The following GSE1 variants were observed in gnomAD, a reference collection of about 807,000 sequenced individuals.
GSE1 encodes genetic suppressor element 1.
A neutral mutation model predicts 112.6 loss-of-function variants in GSE1; 32 were observed. The observed-to-expected ratio is 0.28, with a 90% CI of 0.21 to 0.38. GSE1 has a LOEUF of 0.38. Among genes scored for constraint, GSE1 ranks in the 10% least tolerant of loss-of-function variants. The probability of loss-of-function intolerance (pLI) is 1.00; values close to 1 mark genes in which losing one functional copy is unlikely to be tolerated. For missense variants in GSE1, 2,348 were observed against 1,699.2 expected (o/e 1.38, Z -6.71); for synonymous variants, 1,115 against 735.6 (o/e 1.52, Z -8.35).
At chr16:85,259,313 C>T (rs1469205825) in intron 1 of GSE1, among the ~76,000 whole-genome samples, 5 of 151,974 alleles carry the variant, frequency 3.3e-5, no homozygotes, top group Non-Finnish European at 7.4e-5. Flanking sequence ...CTGGCCCACC[C>T]TGTGCTCCAC....
At chr16:85,615,711 G>A (rs1598393579) in intron 1 of GSE1, among the ~76,000 whole-genome samples, 1 of 152,240 alleles carries the variant, frequency 6.6e-6, no homozygotes, top group East Asian at 1.9e-4. Flanking sequence ...GTTTGGGACA[G>A]TTTTTAGGAT....
At chr16:85,388,260 A>G (rs1435031013) in intron 2 of GSE1, among the ~76,000 whole-genome samples, 2 of 130,978 alleles carry the variant, frequency 1.5e-5, no homozygotes, top group Non-Finnish European at 3.2e-5. Context: ...GAATGGATGT[A>G]TGGCTGGATG....
intron 2 of GSE1, among the ~76,000 whole-genome samples, chr16:85,381,114 C>T (rs1216645834): frequency 6.6e-6 from 1 of 152,328 alleles, no homozygotes; most frequent in South Asian, 2.1e-4. Flanking sequence ...CACTCCCCCA[C>T]CTTCCTTTCC....
chr16:85,462,012 C>T (rs1231930692), intron 2 of GSE1, among the ~76,000 whole-genome samples: 1 of 152,208 alleles, frequency 6.6e-6, no homozygotes, highest in African/African-American at 2.4e-5. Flanking sequence ...GCTCACAGCA[C>T]TTATCTGGAA....
chr16:85,239,298 AT>A (rs1197735530), intron 1 of GSE1, among the ~76,000 whole-genome samples: 3 of 152,196 alleles, frequency 2.0e-5, no homozygotes, highest in Non-Finnish European at 4.4e-5. Context: ...AGAGCTGGGC[AT>A]TTAAAGACCC....
chr16:85,597,063 C>T (rs2047259476), intron 1 of GSE1, among the ~76,000 whole-genome samples: 1 of 152,016 alleles, frequency 6.6e-6, no homozygotes, highest in South Asian at 2.1e-4. Context: ...CTGCAATCTC[C>T]ACCTCCTGGG....
At chr16:85,213,378 G>A (rs371332016) in intron 1 of GSE1, among the ~76,000 whole-genome samples, 53 of 152,214 alleles carry the variant, frequency 3.5e-4, no homozygotes, top group African/African-American at 7.7e-4. Flanking sequence ...GCTTGAGCTC[G>A]GGAGGTGGAG....
intron 1 of GSE1, among the ~76,000 whole-genome samples, chr16:85,248,599 C>T (rs924203159): frequency 3.9e-5 from 6 of 152,082 alleles, no homozygotes; most frequent in Non-Finnish European, 5.9e-5. Context: ...AGGCAGAGTC[C>T]TGGGGGAGCC....
At chr16:85,170,654 C>T (rs764772123) in exon 1 of GSE1, 2 of 985,534 alleles carry the variant, frequency 2.0e-6, no homozygotes, top group South Asian at 4.7e-5. Flanking sequence ...GCCCCGCTGT[C>T]CCCGGCCTCG....
intron 2 of GSE1, among the ~76,000 whole-genome samples, chr16:85,404,724 GC>G (rs1218452940): frequency 3.0e-5 from 1 of 32,858 alleles, no homozygotes; most frequent in Non-Finnish European, 5.2e-5. Flanking sequence ...TTACACTCAG[GC>G]CCCCCGGATA....
intron 1 of GSE1, among the ~76,000 whole-genome samples, chr16:85,204,356 C>T (rs1012125337): frequency 1.3e-5 from 2 of 152,226 alleles, no homozygotes; most frequent in African/African-American, 4.8e-5. Context: ...ATCATCAGCC[C>T]GTGGGCTTTT....
chr16:85,615,036 C>T (rs891184426), intron 1 of GSE1, among the ~76,000 whole-genome samples: 5 of 152,208 alleles, frequency 3.3e-5, no homozygotes, highest in South Asian at 2.1e-4. Context: ...TCCGTGCTCC[C>T]GCCTCCCGGC....
intron 1 of GSE1, among the ~76,000 whole-genome samples, chr16:85,206,634 C>T (rs1171466702): frequency 6.6e-6 from 1 of 152,150 alleles, no homozygotes; most frequent in Non-Finnish European, 1.5e-5. Flanking sequence ...GCATGGGCTT[C>T]AGCCCCTCCC....
intron 2 of GSE1, among the ~76,000 whole-genome samples, chr16:85,466,738 C>T (rs1156699574): frequency 6.7e-6 from 1 of 149,020 alleles, no homozygotes; most frequent in Non-Finnish European, 1.5e-5. Flanking sequence ...AGAGGGAGAG[C>T]GCACAAGAGA....
chr16:85,410,362 GC>G (rs1451602225), intron 2 of GSE1, among the ~76,000 whole-genome samples: 3 of 39,624 alleles, frequency 7.6e-5, no homozygotes, highest in Non-Finnish European at 1.3e-4. Flanking sequence ...TACACTCAGG[GC>G]CCCCCGGATA....
chr16:85,296,907 A>G (rs1304377110), intron 1 of GSE1, among the ~76,000 whole-genome samples: 1 of 152,124 alleles, frequency 6.6e-6, no homozygotes, highest in Non-Finnish European at 1.5e-5. Flanking sequence ...GTCTGAACCC[A>G]GGGGGTCTGT....
exon 1 of GSE1, chr16:85,170,300 T>C: frequency 7.1e-6 from 7 of 985,064 alleles, no homozygotes; most frequent in Non-Finnish European, 8.4e-6. Flanking sequence ...CGGAAGGGGG[T>C]TGGGAGGCAC....
At chr16:85,279,296 G>A (rs1597269952) in intron 1 of GSE1, among the ~76,000 whole-genome samples, 3 of 152,294 alleles carry the variant, frequency 2.0e-5, no homozygotes, top group East Asian at 1.9e-4. Flanking sequence ...ATGCAAGCCC[G>A]CTACAAGCTC....
In GSE1 at chr16:85,668,233, C is replaced by A. The variant is rs200204743; in HGVS notation, c.3224C>A (p.Pro1075His). The change falls in exon 14 of 16, where the codon CCT becomes CAT. Residue 1075 changes from proline to histidine, a missense_variant. Physicochemically the swap from Pro to His is moderately conservative, Grantham distance 77 (BLOSUM62 -2). Transcript: ENST00000253458. Reference protein sequence around the residue: ...IPELQSSSRAPPPQHNGQQEP... With the variant: ...IPELQSSSRAHPPQHNGQQEP... Reference sequence around the variant, plus strand: ...GAGCTGCAGTCCTCCAGCCGCGCCCCTCCACCCCAGCACAATGGGCAGCAG... The same window carrying A: ...GAGCTGCAGTCCTCCAGCCGCGCCCATCCACCCCAGCACAATGGGCAGCAG... The A allele has an allele frequency of 1.9e-6, 3 of 1,610,858 alleles. No homozygotes were observed. In the East Asian group the frequency reaches 6.7e-5, roughly 36 times the overall value.
Sources: allele counts gnomAD v4.1 joint callset (sites outside exome capture counted in the v4.1 genomes callset), GRCh38; gene constraint gnomAD v4.1.1; transcripts MANE v1.5; gene names NCBI Gene and HGNC (gene_info 2026-07-23, HGNC 2026-07-21).